Variants in LRP1B observed in about 807,000 individuals in gnomAD.
LRP1B encodes the protein LDL receptor related protein 1B, also known as low-density lipoprotein receptor-related protein 1B.
A neutral mutation model predicts 556.6 loss-of-function variants in LRP1B; 217 were observed. That is an observed-to-expected ratio of 0.39 (90% confidence interval 0.35 to 0.44). The LOEUF (loss-of-function observed/expected upper bound fraction) is 0.44, where lower values mean the gene tolerates loss of function less well. Among genes scored for constraint, LRP1B ranks in the 20% least tolerant of loss-of-function variants. The probability of loss-of-function intolerance (pLI) is 1.00; values close to 1 mark genes in which losing one functional copy is unlikely to be tolerated. For missense variants in LRP1B, 5,053 were observed against 5,620.8 expected (o/e 0.90, Z 3.23); for synonymous variants, 2,047 against 1,865.8 (o/e 1.10, Z -2.50).
intron 1 of LRP1B, among the ~76,000 whole-genome samples, chr2:141,828,162 GA>G (rs1329214095): frequency 6.6e-6 from 1 of 151,806 alleles, no homozygotes; most frequent in African/African-American, 2.4e-5. Context: ...GTTTCTTAAG[GA>G]TATTTAATGT....
chr2:141,674,889 G>A (rs1430472546), intron 2 of LRP1B, among the ~76,000 whole-genome samples: 1 of 151,946 alleles, frequency 6.6e-6, no homozygotes, highest in Non-Finnish European at 1.5e-5. Context: ...TTTTTTGAAA[G>A]CATGGGGCAA....
chr2:142,061,730 G>A (rs1168868815), intron 1 of LRP1B, among the ~76,000 whole-genome samples: 1 of 151,854 alleles, frequency 6.6e-6, no homozygotes, highest in Non-Finnish European at 1.5e-5. Context: ...ATCTTCTTTA[G>A]TGTTTAGTCA....
At chr2:140,505,540 T>G (rs988318963) in intron 53 of LRP1B, among the ~76,000 whole-genome samples, 1 of 152,224 alleles carries the variant, frequency 6.6e-6, no homozygotes, top group African/African-American at 2.4e-5. Context: ...CATCTGTGAC[T>G]TTTCCAAGTG....
At chr2:140,603,770 C>T (rs990178562) in intron 41 of LRP1B, among the ~76,000 whole-genome samples, 1 of 152,040 alleles carries the variant, frequency 6.6e-6, no homozygotes, top group African/African-American at 2.4e-5. Flanking sequence ...TAATAATGAT[C>T]TGTTGCTACA....
rs189298519 is a variant in LRP1B at position 141,331,197 on chromosome 2, G to A, written c.344-76556C>T. Among the ~76,000 whole-genome samples the A allele has an allele frequency of 4.6e-5, 7 of 152,290 alleles. No homozygotes were observed. The East Asian group carries it at 1.2e-3, about 25-fold the overall frequency. On this transcript the variant is annotated intron_variant, in intron 3 of 90. Coordinates refer to ENST00000389484, the MANE Select transcript of LRP1B (RefSeq NM_018557.3). Reference sequence around the variant, plus strand: ...TGCCTATCCCTGATCCTTACCTACTGTCAGTCAAGTAGTCAAGTAGTTTCT... The same window carrying A: ...TGCCTATCCCTGATCCTTACCTACTATCAGTCAAGTAGTCAAGTAGTTTCT...
At chr2:141,737,735 A>C (rs989206559) in intron 2 of LRP1B, among the ~76,000 whole-genome samples, 1 of 152,156 alleles carries the variant, frequency 6.6e-6, no homozygotes, top group Non-Finnish European at 1.5e-5. Flanking sequence ...CATGTTAGGT[A>C]GAGCTCTTCT....
intron 11 of LRP1B, among the ~76,000 whole-genome samples, chr2:141,048,502 G>A (rs1698944093): frequency 6.6e-6 from 1 of 151,748 alleles, no homozygotes; most frequent in Admixed American, 6.6e-5. Flanking sequence ...ATATTCCAAG[G>A]GCAACTCTAG....
chr2:140,477,500 T>C (rs1008129343), intron 59 of LRP1B, among the ~76,000 whole-genome samples: 4 of 152,152 alleles, frequency 2.6e-5, no homozygotes, highest in African/African-American at 9.7e-5. Flanking sequence ...GTACTTGCAA[T>C]TTAAATATCT....
chr2:141,127,334 C>G (rs1313575137), intron 7 of LRP1B, among the ~76,000 whole-genome samples: 1 of 151,998 alleles, frequency 6.6e-6, no homozygotes, highest in East Asian at 1.9e-4. Context: ...AGTGTAGTGA[C>G]TCCTCAAGGA....
intron 2 of LRP1B, among the ~76,000 whole-genome samples, chr2:141,518,890 C>A (rs1344729716): frequency 1.3e-5 from 2 of 152,048 alleles, no homozygotes; most frequent in Non-Finnish European, 2.9e-5. Context: ...GCGGAGGCTG[C>A]AGTGAGCTGA....
At chr2:140,667,110 C>A (rs1466030068) in intron 41 of LRP1B, among the ~76,000 whole-genome samples, 1 of 152,138 alleles carries the variant, frequency 6.6e-6, no homozygotes, top group Non-Finnish European at 1.5e-5. Flanking sequence ...CATGCTGTGA[C>A]CCTACGTAAC....
At chr2:141,331,541 T>TTTCTTTCTTTTCTTTCTTTCTTTC (rs1687657416) in intron 3 of LRP1B, among the ~76,000 whole-genome samples, 9 of 144,648 alleles carry the variant, frequency 6.2e-5, no homozygotes, top group African/African-American at 2.5e-4. Flanking sequence ...TCTTTCTTTC[T>TTTCTTTCTTTTCTTTCTTTCTTTC]TTCTTTCTTT....
At chr2:141,224,600 A>C (rs1683173376) in intron 6 of LRP1B, among the ~76,000 whole-genome samples, 1 of 152,216 alleles carries the variant, frequency 6.6e-6, no homozygotes. Flanking sequence ...GACTGGATAA[A>C]GGAAATGGTA....
At chr2:140,234,097 A>G (rs1398210131) in intron 90 of LRP1B, among the ~76,000 whole-genome samples, 1 of 151,342 alleles carries the variant, frequency 6.6e-6, no homozygotes. Context: ...CAAAAACAGT[A>G]CATTAAATCT....
intron 2 of LRP1B, among the ~76,000 whole-genome samples, chr2:141,732,883 T>A (rs34619789): frequency 6.6e-6 from 1 of 152,068 alleles, no homozygotes; most frequent in Non-Finnish European, 1.5e-5. Context: ...TAAAATAGAT[T>A]GAGAAGCAAA....
intron 1 of LRP1B, among the ~76,000 whole-genome samples, chr2:142,007,128 G>A (rs1438404180): frequency 2.6e-5 from 4 of 152,098 alleles, no homozygotes; most frequent in African/African-American, 9.7e-5. Flanking sequence ...GTTAACTCAA[G>A]AAATCAAACC....
At chr2:140,237,557 C>G (rs978002004) in intron 89 of LRP1B, among the ~76,000 whole-genome samples, 3 of 150,798 alleles carry the variant, frequency 2.0e-5, no homozygotes, top group African/African-American at 7.3e-5. Flanking sequence ...ACAAAACTAT[C>G]TTGTAAGTAT....
At chr2:141,909,882 G>T (rs1443342630) in intron 1 of LRP1B, among the ~76,000 whole-genome samples, 2 of 151,752 alleles carry the variant, frequency 1.3e-5, no homozygotes, top group Non-Finnish European at 2.9e-5. Context: ...TATAATAAAT[G>T]GATGACTGAT....
rs1017015883 is a variant in LRP1B, at chr2:140,989,478, T to C, written c.2770+54A>G. 6.2e-6 allele frequency: 10 copies of C among 1,601,472 alleles called. No homozygotes were observed. In the African/African-American group the frequency reaches 8.0e-5, roughly 13 times the overall value. On this transcript the variant is annotated intron_variant, in intron 17 of 90. Coordinates refer to ENST00000389484, the MANE Select transcript of LRP1B (RefSeq NM_018557.3). ...TAGTTCAAAGCATTTACTTGCATTT[T>C]TATTAAGACTAACTTTGGAGGAGAT...
Sources: gnomAD v4.1 joint callset for allele counts (sites outside exome capture counted in the v4.1 genomes callset) on GRCh38, gnomAD v4.1.1 for gene constraint, MANE v1.5 for transcripts, NCBI Gene and HGNC (gene_info 2026-07-23, HGNC 2026-07-21) for gene names.